SCN8A: variants seen among roughly 807,000 people sequenced by gnomAD.
The protein encoded by SCN8A is sodium channel protein type 8 subunit alpha.
Under a neutral mutation model 184.1 loss-of-function variants are expected in SCN8A, and 30 were observed. That is an observed-to-expected ratio of 0.16 (90% confidence interval 0.12 to 0.22). The LOEUF (loss-of-function observed/expected upper bound fraction) is 0.22, where lower values mean the gene tolerates loss of function less well. Ranked by LOEUF, SCN8A falls within the 10% of genes least tolerant of loss-of-function variation. SCN8A has a pLI of 1.00. For missense variants in SCN8A, 1,057 were observed against 2,498.9 expected (o/e 0.42, Z 12.30); for synonymous variants, 852 against 907.0 (o/e 0.94, Z 1.09).
intron 1 of SCN8A, among the ~76,000 whole-genome samples, chr12:51,606,519 T>G (rs1216782778): frequency 6.6e-6 from 1 of 152,190 alleles, no homozygotes; most frequent in Non-Finnish European, 1.5e-5. Context: ...AATCAGGTAG[T>G]ATGATGCCTC....
chr12:51,691,063 CCTGT>C (rs1941497665), intron 6 of SCN8A, among the ~76,000 whole-genome samples: 3 of 152,058 alleles, frequency 2.0e-5, no homozygotes, highest in African/African-American at 7.2e-5. Flanking sequence ...TTAGGCAAGC[CCTGT>C]CTTATTTTTT....
intron 1 of SCN8A, among the ~76,000 whole-genome samples, chr12:51,616,522 G>C (rs1268212740): frequency 6.6e-6 from 1 of 152,136 alleles, no homozygotes; most frequent in Non-Finnish European, 1.5e-5. Flanking sequence ...TGAGGCAGGA[G>C]AATCATTTGA....
At chr12:51,640,311 A>G (rs940714069) in intron 1 of SCN8A, among the ~76,000 whole-genome samples, 2 of 137,978 alleles carry the variant, frequency 1.4e-5, no homozygotes, top group African/African-American at 5.5e-5. Context: ...TAACTTTTTT[A>G]TGCACTGAGA....
At chr12:51,780,440 C>G (rs912220966) in intron 20 of SCN8A, among the ~76,000 whole-genome samples, 12 of 151,962 alleles carry the variant, frequency 7.9e-5, no homozygotes, top group Non-Finnish European at 1.8e-4. Flanking sequence ...ACCTTTCCTT[C>G]CAGGTCATTT....
intron 15 of SCN8A, among the ~76,000 whole-genome samples, chr12:51,764,931 C>T (rs1942815497): frequency 1.3e-5 from 2 of 151,642 alleles, no homozygotes; most frequent in African/African-American, 4.8e-5. Context: ...TGCACCACCA[C>T]ACTTGGCTAA....
At chr12:51,627,908 T>C (rs1307419350) in intron 1 of SCN8A, among the ~76,000 whole-genome samples, 2 of 152,254 alleles carry the variant, frequency 1.3e-5, no homozygotes, top group Admixed American at 1.3e-4. Context: ...ACATTATAGT[T>C]GCTTATCAAC....
chr12:51,807,491 A>G lies in SCN8A; in HGVS notation c.*62A>G, dbSNP rs1267886997. 5.3e-6 allele frequency: 8 copies of G among 1,496,626 alleles called. No individual in the cohort carries two copies. Among genetic ancestry groups the G allele is most frequent in the Admixed American group, 3.9e-5 (2 of 51,162 alleles). 92.7% of individuals were successfully genotyped at this position (1,496,626 alleles called of 1,614,324 possible). ...CTCGCAAGTGAAAGATTGTTTACAA[A>G]CTTCCTGAATATTATCAATGCAGAA... On this transcript the variant is annotated 3_prime_UTR_variant, in exon 27 of 27. Coordinates refer to ENST00000627620, the MANE Select transcript of SCN8A (RefSeq NM_001330260.2). This position sits in a 1 kb window ranked among gnomAD's most constrained non-coding sequence, Gnocchi z 4.5.
At position 51,791,353 on chromosome 12, in the gene SCN8A, G is replaced by A. The variant is rs999083027; in HGVS notation, c.4524+851G>A. 3.3e-5 allele frequency among the ~76,000 whole-genome samples: 5 copies of A among 152,160 alleles called. No homozygotes were observed. In the East Asian group the frequency reaches 7.7e-4, roughly 23 times the overall value. On this transcript the variant is annotated intron_variant, in intron 25 of 26. Coordinates refer to ENST00000627620, the MANE Select transcript of SCN8A (RefSeq NM_001330260.2). ...CTCCCCTCACCCCCACACGCCGCAC[G>A]TGGTACATCTACCGCATCAACTTTT...
chr12:51,635,404 A>G (rs1354721291), intron 1 of SCN8A, among the ~76,000 whole-genome samples: 1 of 152,204 alleles, frequency 6.6e-6, no homozygotes, highest in Non-Finnish European at 1.5e-5. Context: ...TATTTTGTTC[A>G]TCATTGAATC....
intron 1 of SCN8A, among the ~76,000 whole-genome samples, chr12:51,606,295 TCTC>T (rs1939590743): frequency 6.6e-6 from 1 of 152,196 alleles, no homozygotes; most frequent in African/African-American, 2.4e-5. Flanking sequence ...CCAATTTCAT[TCTC>T]CTACATGTGG....
intron 1 of SCN8A, among the ~76,000 whole-genome samples, chr12:51,591,801 C>G (rs1190901029): frequency 6.6e-6 from 1 of 151,992 alleles, no homozygotes; most frequent in Non-Finnish European, 1.5e-5. Context: ...TCCCCCTCCC[C>G]CATGTCTTAC....
chr12:51,755,627 C>A (rs623781), intron 14 of SCN8A, among the ~76,000 whole-genome samples: 7 of 149,520 alleles, frequency 4.7e-5, no homozygotes, highest in Non-Finnish European at 3.0e-5. Flanking sequence ...AAATAGAAAA[C>A]TAAAAAAAAA....
At chr12:51,720,075 C>A (rs1242447834) in intron 11 of SCN8A, among the ~76,000 whole-genome samples, 1,319 of 85,316 alleles carry the variant, frequency 0.015, no homozygotes, top group South Asian at 0.042. Context: ...GACTCCGTCT[C>A]AAAAAAAAAA....
intron 13 of SCN8A, among the ~76,000 whole-genome samples, chr12:51,750,974 A>G (rs1219339554): frequency 6.6e-6 from 1 of 152,222 alleles, no homozygotes; most frequent in Non-Finnish European, 1.5e-5. Context: ...TAACCTGTAA[A>G]GTAAATGCCT....
At chr12:51,712,687 G>A (rs995063914) in intron 11 of SCN8A, 71 of 865,386 alleles carry the variant, frequency 8.2e-5, no homozygotes, top group Non-Finnish European at 1.1e-4. Context: ...CTCCACCACC[G>A]CTACCATATC....
intron 12 of SCN8A, among the ~76,000 whole-genome samples, chr12:51,729,280 C>T (rs533884294): frequency 5.3e-5 from 8 of 152,190 alleles, no homozygotes; most frequent in African/African-American, 1.9e-4. Context: ...AGGATCATTC[C>T]CTAAACCCAT....
intron 12 of SCN8A, chr12:51,722,702 T>G (rs414355): frequency 0.8 from 121,314 of 152,088 alleles, 49,550 homozygotes; most frequent in East Asian, 0.9. Flanking sequence ...AGAACACATT[T>G]TATATGGGGG....
At chr12:51,692,368 C>T (rs368088928) in intron 6 of SCN8A, among the ~76,000 whole-genome samples, 3 of 152,220 alleles carry the variant, frequency 2.0e-5, no homozygotes, top group South Asian at 4.1e-4. Flanking sequence ...GAAGATTGGA[C>T]AGTAAGGTGC....
At chr12:51,634,625 T>C (rs1446443494) in intron 1 of SCN8A, among the ~76,000 whole-genome samples, 1 of 148,588 alleles carries the variant, frequency 6.7e-6, no homozygotes, top group Non-Finnish European at 1.5e-5. Context: ...TTTTCTACAA[T>C]GAAATACGTA....
Sources: gnomAD v4.1 joint callset for allele counts (sites outside exome capture counted in the v4.1 genomes callset) on GRCh38, gnomAD v4.1.1 for gene constraint, Gnocchi (gnomAD v3.1) non-coding constraint, MANE v1.5 for transcripts, NCBI Gene and HGNC (gene_info 2026-07-23, HGNC 2026-07-21) for gene names.